Variants in RFLNA observed in about 807,000 individuals in gnomAD.
The protein encoded by RFLNA is refilin A, also known as refilin-A.
Under a neutral mutation model 7.8 loss-of-function variants are expected in RFLNA, and 5 were observed. That is an observed-to-expected ratio of 0.64 (90% CI 0.34 to 1.35). The LOEUF (loss-of-function observed/expected upper bound fraction) is 1.35. Among genes scored for constraint, RFLNA ranks in the 40% most tolerant of loss-of-function variants. The probability of loss-of-function intolerance (pLI) is 0.04; values close to 1 mark genes in which losing one functional copy is unlikely to be tolerated. For missense variants in RFLNA, 278 were observed against 305.5 expected, an observed-to-expected ratio of 0.91 and a Z score of 0.67; for synonymous variants, 141 against 131.3, an observed-to-expected ratio of 1.07 and a Z score of -0.50.
upstream of RFLNA, among the ~76,000 whole-genome samples, chr12:124,290,212 ATGTG>A (rs1236063685): frequency 2.6e-5 from 4 of 152,020 alleles, no homozygotes; most frequent in Non-Finnish European, 4.4e-5. This position sits in a 1 kb window ranked among gnomAD's most constrained non-coding sequence, Gnocchi z 4.0. Context: ...GTATATGCAT[ATGTG>A]TGTGTGTATG....
chr12:124,302,229 C>T (rs542086795), intron 1 of RFLNA, among the ~76,000 whole-genome samples: 1 of 152,326 alleles, frequency 6.6e-6, no homozygotes, highest in South Asian at 2.1e-4. Context: ...AGGACTTGAA[C>T]TTATCTTTGT....
At chr12:124,300,957 T>C (rs1773607081) in intron 1 of RFLNA, among the ~76,000 whole-genome samples, 1 of 151,258 alleles carries the variant, frequency 6.6e-6, no homozygotes, top group African/African-American at 2.4e-5. Context: ...GATGGATGGA[T>C]TGATGGATGG....
chr12:124,292,769 A>G (rs1445643993), upstream of RFLNA, among the ~76,000 whole-genome samples: 1 of 152,220 alleles, frequency 6.6e-6, no homozygotes, highest in Non-Finnish European at 1.5e-5. Context: ...GGGCTTCTAG[A>G]TCAAGATGAA....
Position 124,314,576 on chromosome 12 carries a change from A to G in RFLNA, c.*51A>G, listed in dbSNP as rs1209691811. 5 of 1,531,336 alleles carry G rather than the reference A, an allele frequency of 3.3e-6. No individual in the cohort carries two copies. The Admixed American group carries it at 7.9e-5, about 24-fold the overall frequency. The allele number at this position is 1,531,336 out of a possible 1,614,324, so 94.9% of individuals were successfully genotyped here. ...TGGAGGAGCCGGGAGCCCTGGGGAGAAGCCGGGAGGATGGACACGATGAGC... is the reference window on the plus strand; with the variant it reads ...TGGAGGAGCCGGGAGCCCTGGGGAGGAGCCGGGAGGATGGACACGATGAGC... On this transcript the variant is annotated 3_prime_UTR_variant, in exon 3 of 3. Transcript: ENST00000546355.
intron 1 of RFLNA, among the ~76,000 whole-genome samples, chr12:124,297,893 G>A (rs1213076384): frequency 6.6e-6 from 1 of 152,106 alleles, no homozygotes. Flanking sequence ...GCTGAGCGGT[G>A]TTTAACCGCA....
chr12:124,313,429 A>G (rs1003422869), intron 2 of RFLNA, among the ~76,000 whole-genome samples: 3 of 152,204 alleles, frequency 2.0e-5, no homozygotes, highest in Non-Finnish European at 2.9e-5. Context: ...CTGTAATCCC[A>G]GCACTTTGGG....
At chr12:124,295,756 C>A in intron 1 of RFLNA, 120 bp downstream of exon 1, 1 of 1,049,482 alleles carries the variant, frequency 9.5e-7, no homozygotes, top group Non-Finnish European at 1.2e-6. Flanking sequence ...TGCCCCGCAA[C>A]CACGAAGGTG....
intron 1 of RFLNA, among the ~76,000 whole-genome samples, chr12:124,305,226 GGGAAA>G (rs1480102868): frequency 1.6e-4 from 25 of 152,216 alleles, no homozygotes; most frequent in African/African-American, 6.0e-4. Context: ...AGACCTTCAT[GGGAAA>G]GGAGGATCCC....
At chr12:124,311,988 ACT>A (rs1236365343) in intron 2 of RFLNA, 61 bp downstream of exon 2, 5 of 1,411,760 alleles carry the variant, frequency 3.5e-6, no homozygotes, top group East Asian at 5.7e-5. Flanking sequence ...GCTGGTCCTG[ACT>A]CTCTTGTGGG....
chr12:124,294,995 CGCCGGG>C (rs2033879282), upstream of RFLNA, among the ~76,000 whole-genome samples: 1 of 151,824 alleles, frequency 6.6e-6, no homozygotes, highest in African/African-American at 2.4e-5. Flanking sequence ...TCGGCGGAGG[CGCCGGG>C]CCGGGGCTGT....
chr12:124,299,240 G>A (rs1160518099), intron 1 of RFLNA, among the ~76,000 whole-genome samples: 3 of 152,248 alleles, frequency 2.0e-5, no homozygotes, highest in Admixed American at 6.5e-5. Flanking sequence ...GTCTCCATGC[G>A]GGCAGGGACC....
chr12:124,312,462 C>A (rs1157760166), intron 2 of RFLNA, among the ~76,000 whole-genome samples: 1 of 151,962 alleles, frequency 6.6e-6, no homozygotes, highest in African/African-American at 2.4e-5. Context: ...AGGTGTGCGC[C>A]CCCATGGCCA....
At chr12:124,290,784 T>A (rs527599134), upstream of RFLNA, among the ~76,000 whole-genome samples, 33 of 152,340 alleles carry the variant, frequency 2.2e-4, no homozygotes, top group South Asian at 6.2e-3. The surrounding 1 kb of genome is among the most constrained non-coding windows in gnomAD (Gnocchi z 4.0). Context: ...ACCCCTAATA[T>A]GCTTATATTT....
chr12:124,292,555 C>A (rs1489615448), upstream of RFLNA, among the ~76,000 whole-genome samples: 2 of 152,240 alleles, frequency 1.3e-5, no homozygotes, highest in African/African-American at 2.4e-5. Flanking sequence ...CCCACAGCAG[C>A]GGATCTGAAT....
chr12:124,294,858 G>A (rs1301033319), upstream of RFLNA, among the ~76,000 whole-genome samples: 2 of 152,270 alleles, frequency 1.3e-5, no homozygotes, highest in African/African-American at 4.8e-5. Context: ...GTCTTGGGAT[G>A]ACTTGGGGAC....
Position 124,295,389 on chromosome 12 carries a change from C to G in RFLNA, c.-41C>G. 5 of 1,162,870 alleles carry G rather than the reference C, an allele frequency of 4.3e-6. No individual in the cohort carries two copies. The highest frequency in any genetic ancestry group is 5.4e-6 in the Non-Finnish European group (5 of 927,066). The allele number at this position is 1,162,870 out of a possible 1,614,324, so 72.0% of individuals were successfully genotyped here. On this transcript the variant is annotated 5_prime_UTR_variant, in exon 1 of 3. Transcript: ENST00000546355. ...GGGCCCCGGAGCGCGGTGGAGAAGC[C>G]CCCGGAGGAGCGGGGGGCCCGCGCC... is the stretch of plus-strand genomic sequence containing the variant.
intron 1 of RFLNA, among the ~76,000 whole-genome samples, chr12:124,308,947 G>A (rs1422276194): frequency 6.6e-6 from 1 of 152,228 alleles, no homozygotes; most frequent in Admixed American, 6.5e-5. Flanking sequence ...AGCTGCCAGC[G>A]CGTGGCGGGT....
intron 1 of RFLNA, among the ~76,000 whole-genome samples, chr12:124,304,856 C>A (rs1193033741): frequency 1.3e-5 from 2 of 152,188 alleles, no homozygotes; most frequent in African/African-American, 2.4e-5. Context: ...CCCCCTCTTG[C>A]GGGAGAAGGG....
At chr12:124,310,165 T>A (rs1388250479) in intron 1 of RFLNA, among the ~76,000 whole-genome samples, 3 of 10,076 alleles carry the variant, frequency 3.0e-4, no homozygotes, top group Non-Finnish European at 9.8e-4. Context: ...AGAGAGAGAC[T>A]CTGTCTCAAA....
Sources: allele counts gnomAD v4.1 joint callset (sites outside exome capture counted in the v4.1 genomes callset), GRCh38; gene constraint gnomAD v4.1.1; non-coding constraint Gnocchi (gnomAD v3.1); transcripts MANE v1.5; gene names NCBI Gene and HGNC (gene_info 2026-07-23, HGNC 2026-07-21).